The following SLC31A1 variants were observed in gnomAD, a reference collection of about 807,000 sequenced individuals.
SLC31A1 encodes high affinity copper uptake protein 1.
In SLC31A1, 5 loss-of-function variants were observed where a neutral mutation model predicts 17.2. The ratio of observed to expected loss-of-function variants is 0.29; its 90% CI spans 0.15 to 0.61. The LOEUF (loss-of-function observed/expected upper bound fraction) is 0.61, where lower values mean the gene tolerates loss of function less well. SLC31A1 is among the 20% of genes least tolerant of loss of function. The probability of loss-of-function intolerance (pLI) is 0.86; values close to 1 mark genes in which losing one functional copy is unlikely to be tolerated. For synonymous variants in SLC31A1, 76 were observed against 78.8 expected (o/e 0.96, Z 0.19); for missense variants, 161 against 241.4 (o/e 0.67, Z 2.21).
chr9:113,256,082 A>T, intron 1 of SLC31A1, 32 bp from the exon 2 acceptor site: 1 of 1,441,804 alleles, frequency 6.9e-7, no homozygotes, highest in Non-Finnish European at 9.5e-7. Context: ...TTATATCCTT[A>T]AATTATTATA....
intron 1 of SLC31A1, among the ~76,000 whole-genome samples, chr9:113,235,485 A>G (rs1831447587): frequency 6.6e-6 from 1 of 152,246 alleles, no homozygotes; most frequent in African/African-American, 2.4e-5. Context: ...GAAAAATAAC[A>G]AACTGCTGCT....
At position 113,261,961 on chromosome 9, in the gene SLC31A1, A is replaced by G. The variant is rs1831798368; in HGVS notation, c.*1488A>G. The G allele has an allele frequency of 6.6e-6, 1 of 152,636 alleles. No homozygotes were observed. The highest frequency in any genetic ancestry group is 2.4e-5 in the African/African-American group (1 of 41,452). 9.5% of individuals were successfully genotyped at this position (152,636 alleles called of 1,614,324 possible). ...TTGAGCTCCACCTGTGTGTATGTGT[A>G]CCCAAGCACACATGTGTGAAGGGCT... is the stretch of plus-strand genomic sequence containing the variant. On this transcript the variant is annotated 3_prime_UTR_variant, in exon 5 of 5. Transcript: ENST00000374212.
chr9:113,252,949 T>C (rs1466098605), intron 1 of SLC31A1, among the ~76,000 whole-genome samples: 1 of 107,906 alleles, frequency 9.3e-6, no homozygotes, highest in African/African-American at 4.3e-5. Context: ...TTCTTTTCTT[T>C]TTTTCTTTTT....
chr9:113,242,541 A>G (rs1365469083), intron 1 of SLC31A1, among the ~76,000 whole-genome samples: 1 of 152,108 alleles, frequency 6.6e-6, no homozygotes, highest in African/African-American at 2.4e-5. Flanking sequence ...AGTAGCTGAC[A>G]CTACAAGTAC....
intron 4 of SLC31A1, among the ~76,000 whole-genome samples, chr9:113,259,894 T>C (rs1831770998): frequency 6.6e-6 from 1 of 152,212 alleles, no homozygotes; most frequent in African/African-American, 2.4e-5. Flanking sequence ...CCTCTGTTTC[T>C]GTTTTTGTAG....
At position 113,242,414 on chromosome 9, in the gene SLC31A1, T is replaced by G. The variant is rs1174834469; in HGVS notation, c.-35-13700T>G. Among the ~76,000 whole-genome samples, 3 of 152,142 alleles carry G rather than the reference T, an allele frequency of 2.0e-5. No homozygotes were observed. The East Asian group carries it at 5.8e-4, about 29-fold the overall frequency. On this transcript the variant is annotated intron_variant, in intron 1 of 4. Transcript: ENST00000374212. ...TAGGTTGGGTTCTTTTTGTTTTGTT[T>G]TGTTTTGAGACAGAGTCTTACTCTT...
intron 1 of SLC31A1, among the ~76,000 whole-genome samples, chr9:113,254,278 T>C (rs1205998147): frequency 6.6e-6 from 1 of 152,138 alleles, no homozygotes; most frequent in Non-Finnish European, 1.5e-5. Context: ...CTCTTGGTAA[T>C]TGTGTCTTAT....
At chr9:113,223,685 C>T (rs1362761755) in intron 1 of SLC31A1, among the ~76,000 whole-genome samples, 1 of 152,164 alleles carries the variant, frequency 6.6e-6, no homozygotes, top group Non-Finnish European at 1.5e-5. Context: ...CTCCACTCCC[C>T]TTACTCCCTC....
Position 113,258,943 on chromosome 9 carries a change from A to G in SLC31A1, c.371+81A>G. ...AAAGCGCAGCTGTGTGATCAGCAGC[A>G]GCCCTCTTCTTGAGTTAGGAGTTCT... On this transcript the variant is annotated intron_variant, in intron 4 of 4. Transcript: ENST00000374212. The surrounding 1 kb of genome is among the most constrained non-coding windows in gnomAD (Gnocchi z 4.8). 7.0e-7 allele frequency: 1 copy of G among 1,425,330 alleles called. No homozygotes were observed. The highest frequency in any genetic ancestry group is 1.7e-5 in the Admixed American group (1 of 59,168). 88.3% of individuals were successfully genotyped at this position (1,425,330 alleles called of 1,614,324 possible). A position where few individuals can be genotyped will look rare whatever the true frequency, so the allele number is the denominator to read the frequency against.
At position 113,260,858 on chromosome 9, in the gene SLC31A1, T is replaced by C. The variant is rs1831785512; in HGVS notation, c.*385T>C. On this transcript the variant is annotated 3_prime_UTR_variant, in exon 5 of 5. Transcript: ENST00000374212. Reference sequence around the variant, plus strand: ...AACAGATAGTAAGTAAATTTGGTGGTTTTTTCCCCTGGGTCAGTGATGGAA... The same window carrying C: ...AACAGATAGTAAGTAAATTTGGTGGCTTTTTCCCCTGGGTCAGTGATGGAA... The C allele has an allele frequency of 3.2e-6, 1 of 316,412 alleles. No homozygotes were observed. Among genetic ancestry groups the C allele is most frequent in the South Asian group, 2.8e-5 (1 of 36,208 alleles). 19.6% of individuals were successfully genotyped at this position (316,412 alleles called of 1,614,324 possible).
At position 113,260,427 on chromosome 9, in the gene SLC31A1, G is replaced by A. The variant is rs1831778826; in HGVS notation, c.527G>A (p.Ser176Asn). 6.2e-7 allele frequency: 1 copy of A among 1,614,118 alleles called. No individual in the cohort carries two copies. The highest frequency in any genetic ancestry group is 8.5e-7 in the Non-Finnish European group (1 of 1,180,022). ...GCCGGTACAGGATACTTCCTCTTCAGCTGGAAGAAGGCAGTGGTAGTGGAT... is the reference window on the plus strand; with the variant it reads ...GCCGGTACAGGATACTTCCTCTTCAACTGGAAGAAGGCAGTGGTAGTGGAT... ...AGAGTGYFLF[S>N]WKKAVVVDIT... The change falls in exon 5 of 5, where the codon AGC (serine) becomes AAC (asparagine). Residue 176 changes from serine to asparagine, a missense_variant. Ser to Asn is a conservative substitution (Grantham distance 46, BLOSUM62 1). Coordinates refer to ENST00000374212, the MANE Select transcript of SLC31A1 (RefSeq NM_001859.4).
chr9:113,257,308 C>A (rs1831739038), intron 3 of SLC31A1, 123 bp downstream of exon 3: 1 of 868,204 alleles, frequency 1.2e-6, no homozygotes, highest in Non-Finnish European at 1.9e-6. Flanking sequence ...TGATGCATAA[C>A]CATCTTGGTT....
At chr9:113,222,960 A>G (rs928134492) in intron 1 of SLC31A1, among the ~76,000 whole-genome samples, 3 of 152,134 alleles carry the variant, frequency 2.0e-5, no homozygotes, top group Admixed American at 2.0e-4. Context: ...TACATTATCT[A>G]TGGTATTTTT....
intron 1 of SLC31A1, among the ~76,000 whole-genome samples, chr9:113,223,439 A>G (rs1831309103): frequency 6.6e-6 from 1 of 151,862 alleles, no homozygotes; most frequent in Admixed American, 6.6e-5. Context: ...CTTATAACTC[A>G]CTCTGAGTTT....
chr9:113,227,719 A>G (rs1831357328), intron 1 of SLC31A1: 1 of 152,256 alleles, frequency 6.6e-6, no homozygotes, highest in African/African-American at 2.4e-5. Context: ...CTCATAGGCA[A>G]ACCAACAACA....
At chr9:113,244,087 G>A (rs10739391) in intron 1 of SLC31A1, among the ~76,000 whole-genome samples, 47,871 of 147,312 alleles carry the variant, frequency 0.32, 7,825 homozygotes, top group African/African-American at 0.35. Context: ...CCCAGGAGGC[G>A]GAGCTTTCAG....
chr9:113,256,010 A>G, intron 1 of SLC31A1, 104 bp from the exon 2 acceptor site: 1 of 834,206 alleles, frequency 1.2e-6, no homozygotes, highest in Non-Finnish European at 1.8e-6. Context: ...TAGCCATTGC[A>G]TTCCAGCCTG....
In SLC31A1 at chr9:113,260,580, TAC is replaced by T. The variant is rs57266996; in HGVS notation, c.*138_*139del. 0.12 allele frequency: 74,221 copies of T among 622,252 alleles called. 14 individuals carry two copies. Among genetic ancestry groups the T allele is most frequent in the Middle Eastern group, 0.15 (360 of 2,442 alleles). The allele number at this position is 622,252 out of a possible 1,614,324, so 38.5% of individuals were successfully genotyped here. ...CCCTTCTTGCTCCTCTTTGTGCACG[TAC>T]ACACACACACACACACACACACACA... On this transcript the variant is annotated 3_prime_UTR_variant, in exon 5 of 5. Transcript: ENST00000374212.
chr9:113,243,570 CT>C (rs1368831079), intron 1 of SLC31A1, among the ~76,000 whole-genome samples: 1 of 59,540 alleles, frequency 1.7e-5, no homozygotes, highest in Non-Finnish European at 3.1e-5. Flanking sequence ...CTTATTCCTT[CT>C]TTTTAAGAGA....
Sources: gnomAD v4.1 joint callset for allele counts (sites outside exome capture counted in the v4.1 genomes callset) on GRCh38, gnomAD v4.1.1 for gene constraint, Gnocchi (gnomAD v3.1) non-coding constraint, MANE v1.5 for transcripts, NCBI Gene and HGNC (gene_info 2026-07-23, HGNC 2026-07-21) for gene names.